The following MCC variants were observed in gnomAD, a reference collection of about 807,000 sequenced individuals.
MCC encodes the protein colorectal mutant cancer protein.
In MCC, 90 loss-of-function variants were observed where a neutral mutation model predicts 116.2. The ratio of observed to expected loss-of-function variants is 0.77; its 90% CI spans 0.65 to 0.92. The LOEUF (loss-of-function observed/expected upper bound fraction) is 0.92, where lower values mean the gene tolerates loss of function less well. Ranked by LOEUF, MCC falls within the 40% of genes least tolerant of loss-of-function variation. The pLI is 0.00. For missense variants in MCC, 1,516 were observed against 1,312.2 expected, an observed-to-expected ratio of 1.16 and a Z score of -2.40; for synonymous variants, 578 against 510.5, an observed-to-expected ratio of 1.13 and a Z score of -1.78.
chr5:113,481,301 T>C (rs568318699), intron 1 of MCC, among the ~76,000 whole-genome samples: 73 of 152,214 alleles, frequency 4.8e-4, no homozygotes, highest in African/African-American at 7.0e-4. Context: ...CATAGTTTAA[T>C]TGGTACATAA....
At chr5:113,394,100 A>G (rs959781082) in intron 1 of MCC, among the ~76,000 whole-genome samples, 8 of 151,826 alleles carry the variant, frequency 5.3e-5, no homozygotes, top group Non-Finnish European at 1.2e-4. Context: ...CCTGTGCTTA[A>G]TTCATCATCT....
intron 3 of MCC, among the ~76,000 whole-genome samples, chr5:113,173,728 TC>T (rs1761187444): frequency 6.6e-6 from 1 of 152,232 alleles, no homozygotes; most frequent in South Asian, 2.1e-4. Context: ...CTCAGTATAT[TC>T]TATTCCTAGT....
chr5:113,064,739 A>G (rs1753469747), intron 13 of MCC, among the ~76,000 whole-genome samples: 1 of 152,190 alleles, frequency 6.6e-6, no homozygotes, highest in African/African-American at 2.4e-5. Flanking sequence ...AATCGGCGTG[A>G]ACTCAAATGC....
At chr5:113,199,719 C>T (rs1762589906) in intron 3 of MCC, among the ~76,000 whole-genome samples, 1 of 152,120 alleles carries the variant, frequency 6.6e-6, no homozygotes, top group Non-Finnish European at 1.5e-5. Context: ...TCATTATTCC[C>T]CAATGACTGC....
At chr5:113,170,270 ACTC>A (rs1455098862) in intron 3 of MCC, among the ~76,000 whole-genome samples, 1 of 152,000 alleles carries the variant, frequency 6.6e-6, no homozygotes, top group Non-Finnish European at 1.5e-5. Flanking sequence ...TGGTCCCTTT[ACTC>A]CTTTCACTTT....
intron 17 of MCC, among the ~76,000 whole-genome samples, chr5:113,032,408 C>CAAA (rs376957827): frequency 9.5e-5 from 6 of 63,278 alleles, no homozygotes; most frequent in South Asian, 5.6e-4. Context: ...AACTCTGTAT[C>CAAA]AAAAAAAAAA....
intron 1 of MCC, among the ~76,000 whole-genome samples, chr5:113,403,047 G>A (rs1769736756): frequency 6.6e-6 from 1 of 152,060 alleles, no homozygotes. Flanking sequence ...GACTTTCATA[G>A]CAATTTGGCA....
At chr5:113,161,618 T>TTG (rs1261809302) in intron 3 of MCC, among the ~76,000 whole-genome samples, 1 of 115,252 alleles carries the variant, frequency 8.7e-6, no homozygotes, top group Non-Finnish European at 1.7e-5. Flanking sequence ...AGGTTTAGAT[T>TTG]TATGTGTGTG....
intron 1 of MCC, among the ~76,000 whole-genome samples, chr5:113,468,061 T>A (rs1163456695): frequency 6.6e-6 from 1 of 152,250 alleles, no homozygotes; most frequent in Non-Finnish European, 1.5e-5. Flanking sequence ...AAGTTGCTTA[T>A]CAGCTTGAGG....
intron 17 of MCC, among the ~76,000 whole-genome samples, chr5:113,030,444 C>A (rs1350916318): frequency 6.6e-6 from 1 of 152,074 alleles, no homozygotes; most frequent in African/African-American, 2.4e-5. Context: ...TTTAGGAGGC[C>A]AAGGAATGTG....
Position 113,212,223 on chromosome 5 carries a change from G to A in MCC, c.628-60801C>T, listed in dbSNP as rs552002955. The stretch of plus-strand genomic sequence containing the variant: ...ACCAATCTTTATCAATTCATATATA[G>A]ACAATACACACCTATCTAATACTCA... On this transcript the variant is annotated intron_variant, in intron 3 of 18. Transcript: ENST00000408903. 2.0e-4 allele frequency among the ~76,000 whole-genome samples: 31 copies of A among 152,106 alleles called. No homozygotes were observed. The South Asian group carries it at 2.5e-3, about 12-fold the overall frequency.
At position 113,025,789 on chromosome 5, in the gene MCC, C is replaced by T. The variant is rs186443925; in HGVS notation, c.*1513G>A. Reference sequence around the variant, plus strand: ...GTTGCTTTTAGGATACAGCTGTCTGCCCTCCGAACTGGTGGCTGGAGTATC... The same window carrying T: ...GTTGCTTTTAGGATACAGCTGTCTGTCCTCCGAACTGGTGGCTGGAGTATC... On this transcript the variant is annotated 3_prime_UTR_variant, in exon 19 of 19. Coordinates refer to ENST00000408903, the MANE Select transcript of MCC (RefSeq NM_001085377.2). 4 of 152,254 alleles carry T rather than the reference C, an allele frequency of 2.6e-5. No homozygotes were observed. The highest frequency in any genetic ancestry group is 5.9e-5 in the Non-Finnish European group (4 of 68,022). The allele number at this position is 152,254 out of a possible 1,614,324, so 9.4% of individuals were successfully genotyped here.
At chr5:113,440,861 GA>G (rs1187025735) in intron 1 of MCC, among the ~76,000 whole-genome samples, 1 of 152,168 alleles carries the variant, frequency 6.6e-6, no homozygotes, top group East Asian at 1.9e-4. Context: ...GGCTGATAAT[GA>G]AAGATCCACC....
At chr5:113,038,717 CT>C (rs965520779) in intron 17 of MCC, among the ~76,000 whole-genome samples, 1 of 152,046 alleles carries the variant, frequency 6.6e-6, no homozygotes, top group Non-Finnish European at 1.5e-5. Flanking sequence ...AGACAAGGCC[CT>C]CCTGCCACTG....
chr5:113,395,022 G>C, intron 1 of MCC, among the ~76,000 whole-genome samples: 1 of 152,272 alleles, frequency 6.6e-6, no homozygotes, highest in South Asian at 2.1e-4. Flanking sequence ...ACCCTTTACA[G>C]AAAAAGTTTG....
At chr5:113,202,316 C>T (rs536699761) in intron 3 of MCC, among the ~76,000 whole-genome samples, 2 of 152,078 alleles carry the variant, frequency 1.3e-5, no homozygotes, top group Non-Finnish European at 2.9e-5. Context: ...TGACTTTTTA[C>T]TAGTCCCTTA....
At chr5:113,226,881 A>T (rs1043625840) in intron 3 of MCC, among the ~76,000 whole-genome samples, 1 of 152,214 alleles carries the variant, frequency 6.6e-6, no homozygotes, top group Non-Finnish European at 1.5e-5. Context: ...GCTATTAACC[A>T]GTTGAATGAT....
intron 3 of MCC, among the ~76,000 whole-genome samples, chr5:113,289,111 T>G (rs1376801136): frequency 6.6e-6 from 1 of 152,060 alleles, no homozygotes; most frequent in East Asian, 1.9e-4. Context: ...GGTAGATGGA[T>G]CACAAGGTCA....
chr5:113,137,207 G>A lies in MCC; in HGVS notation c.884+6011C>T, dbSNP rs1581137448. The stretch of plus-strand genomic sequence containing the variant: ...GCAGGATAGAGTGTAAGCATGTGCA[G>A]GAGGAACTGTCAACCACATAGAAAA... On this transcript the variant is annotated intron_variant, in intron 5 of 18. Transcript: ENST00000408903. Among the ~76,000 whole-genome samples the A allele has an allele frequency of 2.0e-5, 3 of 152,132 alleles. 1 individual carries two copies. The South Asian group carries it at 6.3e-4, about 32-fold the overall frequency.
Sources: allele counts gnomAD v4.1 joint callset (sites outside exome capture counted in the v4.1 genomes callset), GRCh38; gene constraint gnomAD v4.1.1; transcripts MANE v1.5; gene names NCBI Gene and HGNC (gene_info 2026-07-23, HGNC 2026-07-21).